The following CAMK4 variants were observed in gnomAD, a reference collection of about 807,000 sequenced individuals.
The protein encoded by CAMK4 is calcium/calmodulin-dependent protein kinase type IV.
Under a neutral mutation model 44.9 loss-of-function variants are expected in CAMK4, and 22 were observed. The ratio of observed to expected loss-of-function variants is 0.49; its 90% CI spans 0.35 to 0.70. The LOEUF (loss-of-function observed/expected upper bound fraction) is 0.70. CAMK4 is among the 30% of genes least tolerant of loss of function. The pLI is 0.01. For missense variants in CAMK4, 498 were observed against 586.8 expected, an observed-to-expected ratio of 0.85 and a Z score of 1.56; for synonymous variants, 218 against 215.4, an observed-to-expected ratio of 1.01 and a Z score of -0.11.
intron 1 of CAMK4, among the ~76,000 whole-genome samples, chr5:111,235,168 A>G (rs1467337694): frequency 6.6e-6 from 1 of 152,176 alleles, no homozygotes; most frequent in African/African-American, 2.4e-5. Flanking sequence ...TAATTTAGTA[A>G]GCAGCTGCCT....
rs1343928672 is a variant in CAMK4, at chr5:111,224,436, GGCA to G, written c.-45_-43del. On this transcript the variant is annotated 5_prime_UTR_variant, in exon 1 of 11. Transcript: ENST00000282356. The surrounding 1 kb of genome is among the most constrained non-coding windows in gnomAD (Gnocchi z 5.7). ...CGGCTGGCGGCCGGCTTCTCGCTCG[GGCA>G]GCGGCGGCGGCGGCGGCGGCGGCTT... 1.3e-6 allele frequency: 2 copies of G among 1,538,724 alleles called. No homozygotes were observed. Among genetic ancestry groups the G allele is most frequent in the Non-Finnish European group, 8.7e-7 (1 of 1,146,040 alleles).
chr5:111,255,571 C>G (rs1257306302), intron 1 of CAMK4, among the ~76,000 whole-genome samples: 1 of 152,100 alleles, frequency 6.6e-6, no homozygotes, highest in Admixed American at 6.6e-5. Context: ...CTAAAGTTCC[C>G]TAAGATCTTT....
intron 1 of CAMK4, among the ~76,000 whole-genome samples, chr5:111,235,480 C>A (rs1473367333): frequency 1.3e-5 from 2 of 152,166 alleles, no homozygotes; most frequent in Non-Finnish European, 2.9e-5. Flanking sequence ...TGGGCTCTTC[C>A]TCTCTTTTTC....
At chr5:111,285,757 A>T (rs1438312886) in intron 1 of CAMK4, among the ~76,000 whole-genome samples, 2 of 152,196 alleles carry the variant, frequency 1.3e-5, no homozygotes, top group African/African-American at 4.8e-5. Context: ...TTATGGTCCA[A>T]TGATAAAATT....
chr5:111,342,109 T>A (rs1381050046), intron 1 of CAMK4, among the ~76,000 whole-genome samples: 1 of 151,466 alleles, frequency 6.6e-6, no homozygotes, highest in African/African-American at 2.4e-5. Flanking sequence ...TGGAGAGTTT[T>A]TTTTTCTAAA....
At chr5:111,386,440 GTGGGCA>G (rs1001753226) in intron 4 of CAMK4, among the ~76,000 whole-genome samples, 56 of 152,280 alleles carry the variant, frequency 3.7e-4, no homozygotes, top group African/African-American at 1.3e-3. Context: ...GCTGCGAGTG[GTGGGCA>G]GAGCAGCAGG....
chr5:111,355,219 G>C (rs1313291182), intron 2 of CAMK4, among the ~76,000 whole-genome samples: 1 of 152,078 alleles, frequency 6.6e-6, no homozygotes, highest in Non-Finnish European at 1.5e-5. Flanking sequence ...GATTCTGTCA[G>C]TTGGAACCTA....
chr5:111,437,439 TG>T (rs775026138), intron 5 of CAMK4, among the ~76,000 whole-genome samples: 76 of 152,332 alleles, frequency 5.0e-4, no homozygotes, highest in Non-Finnish European at 1.0e-3. Flanking sequence ...TGTTAGGCTC[TG>T]TGAAGGAAAT....
chr5:111,457,188 A>G (rs186886030), intron 7 of CAMK4, among the ~76,000 whole-genome samples: 32 of 152,352 alleles, frequency 2.1e-4, no homozygotes, highest in African/African-American at 7.5e-4. Context: ...TTAACTTAAT[A>G]TTTTAATAGG....
rs925173683 is a variant in CAMK4 at position 111,378,779 on chromosome 5, A to C, written c.386+1837A>C. ...AATCCTGACTCTACAACTGAAAGATAACTAACTAACCTAGAATAATTTACT... is the reference window on the plus strand; with the variant it reads ...AATCCTGACTCTACAACTGAAAGATCACTAACTAACCTAGAATAATTTACT... On this transcript the variant is annotated intron_variant, in intron 4 of 10. Coordinates refer to ENST00000282356, the MANE Select transcript of CAMK4 (RefSeq NM_001744.6). Among the ~76,000 whole-genome samples the C allele has an allele frequency of 1.1e-4, 16 of 152,266 alleles. 1 individual carries two copies. The East Asian group carries it at 1.4e-3, about 13-fold the overall frequency.
At chr5:111,286,246 T>A (rs1751235196) in intron 1 of CAMK4, among the ~76,000 whole-genome samples, 1 of 152,214 alleles carries the variant, frequency 6.6e-6, no homozygotes, top group Non-Finnish European at 1.5e-5. Flanking sequence ...ATTCTTAGCA[T>A]CTTCGTAAAG....
chr5:111,309,420 G>A (rs979145724), intron 1 of CAMK4, among the ~76,000 whole-genome samples: 11 of 152,108 alleles, frequency 7.2e-5, no homozygotes, highest in African/African-American at 2.4e-4. Context: ...CCCTCTCAAG[G>A]AGCCCTGGCC....
At chr5:111,233,443 ATGACTGATGTTTAC>A (rs1748566711) in intron 1 of CAMK4, among the ~76,000 whole-genome samples, 1 of 151,652 alleles carries the variant, frequency 6.6e-6, no homozygotes, top group East Asian at 1.9e-4. Flanking sequence ...TACTGATTAT[ATGACTGATGTTTAC>A]TTCACATAAT....
rs535612598 is a variant in CAMK4, at chr5:111,442,253, G to A, written c.460-4433G>A. Among the ~76,000 whole-genome samples, 11 of 152,242 alleles carry A rather than the reference G, an allele frequency of 7.2e-5. No individual in the cohort carries two copies. The South Asian group carries it at 1.2e-3, about 17-fold the overall frequency. ...TCATGCCTATAATCCCAGCACTTGG[G>A]GAGGCCGAGGCAGGTGGATCACCCG... On this transcript the variant is annotated intron_variant, in intron 5 of 10. Transcript: ENST00000282356.
chr5:111,410,663 G>T (rs1279019189), intron 5 of CAMK4, among the ~76,000 whole-genome samples: 1 of 152,150 alleles, frequency 6.6e-6, no homozygotes, highest in Non-Finnish European at 1.5e-5. Context: ...TGGGCGTGAT[G>T]TGAATTTACT....
intron 1 of CAMK4, among the ~76,000 whole-genome samples, chr5:111,228,323 A>C (rs1293577492): frequency 1.3e-5 from 2 of 152,240 alleles, no homozygotes; most frequent in East Asian, 3.9e-4. Flanking sequence ...GGCACTTTGC[A>C]TACTCCTCCC....
At chr5:111,277,135 T>C (rs1412753948) in intron 1 of CAMK4, among the ~76,000 whole-genome samples, 1 of 152,208 alleles carries the variant, frequency 6.6e-6, no homozygotes, top group Non-Finnish European at 1.5e-5. Context: ...TGTTAACACA[T>C]GGATGATAAA....
chr5:111,475,814 C>A (rs1755216197), intron 8 of CAMK4, among the ~76,000 whole-genome samples: 1 of 152,186 alleles, frequency 6.6e-6, no homozygotes. Flanking sequence ...GCTACTTGAT[C>A]TCTGTATCTT....
At chr5:111,446,553 A>G (rs971159296) in intron 5 of CAMK4, 133 bp from the exon 6 acceptor site, 1 of 570,516 alleles carries the variant, frequency 1.8e-6, no homozygotes. Context: ...ATTTTCCTTT[A>G]TGGTACTTAT....
Sources: gnomAD v4.1 joint callset for allele counts (sites outside exome capture counted in the v4.1 genomes callset) on GRCh38, gnomAD v4.1.1 for gene constraint, Gnocchi (gnomAD v3.1) non-coding constraint, MANE v1.5 for transcripts, NCBI Gene and HGNC (gene_info 2026-07-23, HGNC 2026-07-21) for gene names.